Variants in STK39 observed in about 807,000 individuals in gnomAD.
The protein encoded by STK39 is serine/threonine kinase 39, also known as STE20/SPS1-related proline-alanine-rich protein kinase.
A neutral mutation model predicts 77.8 loss-of-function variants in STK39; 20 were observed. That is an observed-to-expected ratio of 0.26 (90% CI 0.18 to 0.37). STK39 has a LOEUF of 0.37. Among genes scored for constraint, STK39 ranks in the 10% least tolerant of loss-of-function variants. The probability of loss-of-function intolerance (pLI) is 1.00; values close to 1 mark genes in which losing one functional copy is unlikely to be tolerated. For synonymous variants in STK39, 246 were observed against 234.1 expected (o/e 1.05, Z -0.47); for missense variants, 479 against 656.5 (o/e 0.73, Z 2.95).
chr2:168,147,050 T>C (rs950299870), intron 5 of STK39, among the ~76,000 whole-genome samples: 2 of 152,234 alleles, frequency 1.3e-5, no homozygotes, highest in African/African-American at 4.8e-5. Context: ...AGTGTATTTT[T>C]CTTTATTGAG....
At chr2:167,991,566 AGTCCTATGAATACAGTAT>A (rs2105283179) in intron 16 of STK39, among the ~76,000 whole-genome samples, 1 of 152,318 alleles carries the variant, frequency 6.6e-6, no homozygotes, top group Admixed American at 6.5e-5. Context: ...TTTATTATCC[AGTCCTATGAATACAGTAT>A]GTAGGTCAAT....
intron 1 of STK39, among the ~76,000 whole-genome samples, chr2:168,236,021 A>T (rs1463560097): frequency 3.3e-5 from 5 of 152,122 alleles, no homozygotes; most frequent in African/African-American, 9.6e-5. Flanking sequence ...ATCCCTGAGG[A>T]ATCGCCACAC....
intron 14 of STK39, among the ~76,000 whole-genome samples, chr2:168,056,107 TC>T (rs564926802): frequency 1.9e-3 from 288 of 152,324 alleles, no homozygotes; most frequent in African/African-American, 6.7e-3. Context: ...CTAATCCTGT[TC>T]TCTGATATTG....
chr2:168,141,502 C>A (rs753663360), intron 5 of STK39, among the ~76,000 whole-genome samples: 4 of 152,158 alleles, frequency 2.6e-5, no homozygotes, highest in African/African-American at 7.2e-5. Flanking sequence ...TGTAAAAATT[C>A]TATTTGTATG....
chr2:168,140,440 ACAT>A (rs1687951256), intron 6 of STK39, 50 bp from the exon 7 acceptor site: 1 of 1,493,424 alleles, frequency 6.7e-7, no homozygotes. Flanking sequence ...GGCATGTTAC[ACAT>A]CATCAAGTCC....
intron 6 of STK39, 64 bp from the exon 7 acceptor site, chr2:168,140,454 A>C: frequency 7.0e-7 from 1 of 1,418,970 alleles, no homozygotes; most frequent in Non-Finnish European, 1.0e-6. Context: ...CATCAAGTCC[A>C]TGTCATGTCA....
intron 14 of STK39, among the ~76,000 whole-genome samples, chr2:168,039,560 CCG>C (rs1214110110): frequency 5.3e-5 from 1 of 18,716 alleles, no homozygotes; most frequent in African/African-American, 1.2e-4. Flanking sequence ...CCACTGCAGT[CCG>C]CAGTCCGACC....
chr2:168,220,459 T>C (rs574939961), intron 1 of STK39, among the ~76,000 whole-genome samples: 23 of 152,304 alleles, frequency 1.5e-4, no homozygotes, highest in Admixed American at 3.9e-4. Context: ...GGCTTCATTT[T>C]CTTCATTGGC....
At chr2:168,161,542 A>C (rs1688573043) in intron 5 of STK39, among the ~76,000 whole-genome samples, 1 of 152,222 alleles carries the variant, frequency 6.6e-6, no homozygotes, top group Non-Finnish European at 1.5e-5. Context: ...AACATAATAA[A>C]ATTGAAAATA....
chr2:167,999,038 A>G (rs1051060957), intron 16 of STK39, among the ~76,000 whole-genome samples: 3 of 99,840 alleles, frequency 3.0e-5, no homozygotes, highest in African/African-American at 1.1e-4. Context: ...AGTTTTCGCA[A>G]GTCATTATGG....
At chr2:168,190,469 T>A (rs907639151) in intron 1 of STK39, among the ~76,000 whole-genome samples, 4 of 152,190 alleles carry the variant, frequency 2.6e-5, no homozygotes, top group African/African-American at 9.7e-5. Context: ...TAAAGTCAGG[T>A]CTCATAGGAG....
chr2:168,239,561 A>G (rs750469306), intron 1 of STK39, among the ~76,000 whole-genome samples: 11 of 152,194 alleles, frequency 7.2e-5, no homozygotes, highest in Non-Finnish European at 4.4e-5. Context: ...CAACTAAATA[A>G]ACCCCATCAT....
chr2:168,195,494 G>T (rs145031667), intron 1 of STK39, among the ~76,000 whole-genome samples: 1 of 152,154 alleles, frequency 6.6e-6, no homozygotes, highest in East Asian at 1.9e-4. Context: ...AAGTCTGGTC[G>T]GTGGCCATGC....
At chr2:168,142,316 T>C (rs936768682) in intron 5 of STK39, among the ~76,000 whole-genome samples, 1 of 152,186 alleles carries the variant, frequency 6.6e-6, no homozygotes, top group Admixed American at 6.5e-5. Flanking sequence ...TGAAAGCTAC[T>C]AATTTCAACT....
chr2:168,047,079 T>A (rs1685263563), intron 14 of STK39, among the ~76,000 whole-genome samples: 1 of 152,176 alleles, frequency 6.6e-6, no homozygotes, highest in South Asian at 2.1e-4. Flanking sequence ...CTTTTAGCCC[T>A]GATATTTTTT....
intron 5 of STK39, among the ~76,000 whole-genome samples, chr2:168,159,111 G>C (rs1297359918): frequency 6.6e-6 from 1 of 151,958 alleles, no homozygotes; most frequent in African/African-American, 2.4e-5. Flanking sequence ...TAGCAAAAAT[G>C]CCCTTTCTTA....
At chr2:168,004,104 A>G (rs925090584) in intron 16 of STK39, among the ~76,000 whole-genome samples, 1 of 152,218 alleles carries the variant, frequency 6.6e-6, no homozygotes, top group African/African-American at 2.4e-5. Context: ...CATACTTGAG[A>G]GCCTAAGCGT....
At chr2:167,994,299 T>C (rs75823627) in intron 16 of STK39, among the ~76,000 whole-genome samples, 2,102 of 152,256 alleles carry the variant, frequency 0.014, 50 homozygotes, top group African/African-American at 0.047. Flanking sequence ...AAACTGAGTA[T>C]ACAGAAAATA....
intron 1 of STK39, among the ~76,000 whole-genome samples, chr2:168,192,030 CAG>C (rs1689352614): frequency 6.6e-6 from 1 of 152,076 alleles, no homozygotes; most frequent in Non-Finnish European, 1.5e-5. Flanking sequence ...GATGGCATCT[CAG>C]GGGGTGGCAG....
Sources: allele counts gnomAD v4.1 joint callset (sites outside exome capture counted in the v4.1 genomes callset), GRCh38; gene constraint gnomAD v4.1.1; transcripts MANE v1.5; gene names NCBI Gene and HGNC (gene_info 2026-07-23, HGNC 2026-07-21).